SHANK2: variants seen among roughly 807,000 people sequenced by gnomAD.
SHANK2 encodes SH3 and multiple ankyrin repeat domains 2.
SHANK2 carries 43 observed loss-of-function variants against 133.7 expected under a neutral mutation model. The observed-to-expected ratio is 0.32, with a 90% CI of 0.25 to 0.41. The LOEUF (loss-of-function observed/expected upper bound fraction) is 0.41, where lower values mean the gene tolerates loss of function less well. Ranked by LOEUF, SHANK2 falls within the 10% of genes least tolerant of loss-of-function variation. The probability of loss-of-function intolerance (pLI) is 1.00; values close to 1 mark genes in which losing one functional copy is unlikely to be tolerated. For synonymous variants in SHANK2, 1,017 were observed against 952.8 expected, an observed-to-expected ratio of 1.07 and a Z score of -1.24; for missense variants, 1,994 against 2,235.8, an observed-to-expected ratio of 0.89 and a Z score of 2.18.
At chr11:70,791,543 A>T (rs1947786027) in intron 14 of SHANK2, among the ~76,000 whole-genome samples, 1 of 152,000 alleles carries the variant, frequency 6.6e-6, no homozygotes. Flanking sequence ...CTTCCACCCA[A>T]CTCTTCATAC....
At chr11:70,654,816 G>A (rs11237083) in intron 17 of SHANK2, among the ~76,000 whole-genome samples, 23,727 of 148,532 alleles carry the variant, frequency 0.16, 2,389 homozygotes, top group Non-Finnish European at 0.23. Flanking sequence ...CACCCAGGCT[G>A]GAGTGCAGTG....
intron 14 of SHANK2, among the ~76,000 whole-genome samples, chr11:70,725,358 G>A (rs1318157598): frequency 1.3e-5 from 2 of 152,232 alleles, no homozygotes; most frequent in African/African-American, 4.8e-5. Context: ...CTTAAAAGCT[G>A]AGCGTGGCAG....
At chr11:70,655,905 C>A (rs2061400120) in intron 17 of SHANK2, among the ~76,000 whole-genome samples, 1 of 152,200 alleles carries the variant, frequency 6.6e-6, no homozygotes, top group Non-Finnish European at 1.5e-5. Flanking sequence ...GCTCTCGCCT[C>A]ATGATTCTGA....
At chr11:70,520,965 T>G (rs567511016) in intron 17 of SHANK2, among the ~76,000 whole-genome samples, 2 of 152,354 alleles carry the variant, frequency 1.3e-5, no homozygotes, top group South Asian at 4.1e-4. Context: ...TGCTACCTTT[T>G]GCCGTGCTTT....
chr11:71,137,302 A>T (rs1245635559), intron 3 of SHANK2, among the ~76,000 whole-genome samples: 6 of 57,878 alleles, frequency 1.0e-4, no homozygotes, highest in East Asian at 8.0e-4. Flanking sequence ...CCTTACTTAA[A>T]AAAAAAAAAA....
intron 11 of SHANK2, among the ~76,000 whole-genome samples, chr11:70,870,968 G>T (rs1949450311): frequency 6.6e-6 from 1 of 152,096 alleles, no homozygotes; most frequent in African/African-American, 2.4e-5. Flanking sequence ...AGTAGAGACG[G>T]GGTTTCACCA....
intron 17 of SHANK2, among the ~76,000 whole-genome samples, chr11:70,553,345 G>T (rs1243849120): frequency 1.3e-5 from 2 of 152,100 alleles, no homozygotes; most frequent in South Asian, 2.1e-4. Flanking sequence ...CGCCCACCTC[G>T]GCCTCCTAAA....
chr11:70,580,641 C>T (rs1199021992), intron 17 of SHANK2, among the ~76,000 whole-genome samples: 1 of 152,218 alleles, frequency 6.6e-6, no homozygotes, highest in East Asian at 1.9e-4. Context: ...AAGGACAGCG[C>T]CGTGGCACTG....
At chr11:70,866,746 C>T (rs900913496) in intron 11 of SHANK2, among the ~76,000 whole-genome samples, 1 of 151,798 alleles carries the variant, frequency 6.6e-6, no homozygotes, top group African/African-American at 2.4e-5. Context: ...TAAAGGTCCA[C>T]TTTTGCTGGA....
At chr11:71,067,129 T>C (rs1336064334) in intron 9 of SHANK2, among the ~76,000 whole-genome samples, 2 of 151,290 alleles carry the variant, frequency 1.3e-5, no homozygotes, top group Non-Finnish European at 3.0e-5. Context: ...CCGTCGCCAT[T>C]CAGCGAGACC....
chr11:70,877,335 A>C (rs1243484048), intron 11 of SHANK2, among the ~76,000 whole-genome samples: 1 of 152,212 alleles, frequency 6.6e-6, no homozygotes. Flanking sequence ...CACATAAGCC[A>C]AGAGGCTTCC....
chr11:71,085,409 T>C (rs1372121255), intron 8 of SHANK2, among the ~76,000 whole-genome samples: 1 of 144,866 alleles, frequency 6.9e-6, no homozygotes, highest in East Asian at 2.0e-4. Flanking sequence ...TCAGCCAAGA[T>C]TGCCCCACTT....
chr11:70,750,047 C>T (rs1946721962), intron 14 of SHANK2, among the ~76,000 whole-genome samples: 2 of 152,192 alleles, frequency 1.3e-5, no homozygotes, highest in Admixed American at 1.3e-4. Flanking sequence ...ACTCTGTTTC[C>T]CTAGTTAACG....
intron 2 of SHANK2, among the ~76,000 whole-genome samples, chr11:71,223,932 G>T (rs1325078203): frequency 6.6e-6 from 1 of 152,094 alleles, no homozygotes; most frequent in Non-Finnish European, 1.5e-5. Flanking sequence ...TTGCCCACAG[G>T]GCTCTGGACC....
intron 17 of SHANK2, among the ~76,000 whole-genome samples, chr11:70,655,462 A>G (rs1160312271): frequency 6.6e-6 from 1 of 152,128 alleles, no homozygotes; most frequent in Non-Finnish European, 1.5e-5. Context: ...AATGGGGAGG[A>G]ACACACATGC....
At chr11:71,207,426 C>T (rs1226201785) in intron 2 of SHANK2, among the ~76,000 whole-genome samples, 7 of 152,076 alleles carry the variant, frequency 4.6e-5, no homozygotes, top group Admixed American at 3.3e-4. Context: ...GTGATCCGTG[C>T]GCCTTGGCTT....
chr11:70,891,879 G>A (rs1319679362), intron 11 of SHANK2, among the ~76,000 whole-genome samples: 1 of 152,216 alleles, frequency 6.6e-6, no homozygotes, highest in Non-Finnish European at 1.5e-5. Context: ...TGCCACAGAA[G>A]ACATTCCTCT....
At chr11:71,198,343 C>A (rs1244939314) in intron 2 of SHANK2, among the ~76,000 whole-genome samples, 1 of 152,152 alleles carries the variant, frequency 6.6e-6, no homozygotes, top group Non-Finnish European at 1.5e-5. Flanking sequence ...GTTAGGATCT[C>A]CCCCTGTGGG....
At chr11:71,151,327 G>A (rs1252949793) in intron 2 of SHANK2, among the ~76,000 whole-genome samples, 3 of 152,090 alleles carry the variant, frequency 2.0e-5, no homozygotes, top group Admixed American at 2.0e-4. Flanking sequence ...GACTCCCAGC[G>A]CTCTTCCGGT....
Sources: allele counts gnomAD v4.1 joint callset (sites outside exome capture counted in the v4.1 genomes callset), GRCh38; gene constraint gnomAD v4.1.1; transcripts MANE v1.5; gene names NCBI Gene and HGNC (gene_info 2026-07-23, HGNC 2026-07-21).